KLHL20: variants seen among roughly 807,000 people sequenced by gnomAD.
KLHL20 encodes the protein kelch-like protein 20.
In KLHL20, 29 loss-of-function variants were observed where a neutral mutation model predicts 69.5. The ratio of observed to expected loss-of-function variants is 0.42; its 90% confidence interval spans 0.31 to 0.57. The LOEUF is 0.57. Ranked by LOEUF, KLHL20 falls within the 20% of genes least tolerant of loss-of-function variation. The probability of loss-of-function intolerance (pLI) is 0.18; values close to 1 mark genes in which losing one functional copy is unlikely to be tolerated. For synonymous variants in KLHL20, 253 were observed against 265.2 expected, an observed-to-expected ratio of 0.95 and a Z score of 0.45; for missense variants, 419 against 776.0, an observed-to-expected ratio of 0.54 and a Z score of 5.47.
At chr1:173,766,108 G>A (rs751535009) in intron 7 of KLHL20, 38 bp from the exon 8 acceptor site, 5 of 1,502,408 alleles carry the variant, frequency 3.3e-6, no homozygotes, top group East Asian at 5.0e-5. Context: ...AGCTTCCTTT[G>A]TGTAATACAA....
intron 3 of KLHL20, among the ~76,000 whole-genome samples, chr1:173,745,338 T>A (rs974712566): frequency 2.8e-4 from 43 of 151,682 alleles, no homozygotes; most frequent in African/African-American, 9.9e-4. Flanking sequence ...AATTTTTGTA[T>A]TTTTAGTAGA....
chr1:173,741,269 A>C (rs1672796097), intron 3 of KLHL20, among the ~76,000 whole-genome samples: 1 of 152,176 alleles, frequency 6.6e-6, no homozygotes, highest in Non-Finnish European at 1.5e-5. Context: ...CACAGTGTGA[A>C]TCTCCACACA....
rs1327246835 is a variant in KLHL20, at chr1:173,733,931, C to T, written c.242C>T (p.Ala81Val). Residue 81 changes from alanine (A) to valine (V), a missense_variant, in exon 3 of 12, where the codon GCC (alanine) becomes GTC (valine). Coordinates refer to ENST00000209884, the MANE Select transcript of KLHL20 (RefSeq NM_014458.4). Reference protein sequence around the residue: ...VLVVGAKKIYAHRVILSACSP... With the variant: ...VLVVGAKKIYVHRVILSACSP... ...GTTGTGGGCGCCAAGAAGATATATG[C>T]CCATCGAGTCATTTTGTCAGCCTGT... 1.9e-6 allele frequency: 3 copies of T among 1,614,160 alleles called. No individual in the cohort carries two copies. The highest frequency in any genetic ancestry group is 1.7e-6 in the Non-Finnish European group (2 of 1,180,020).
chr1:173,758,920 G>A (rs1202802059), intron 7 of KLHL20, among the ~76,000 whole-genome samples: 1 of 152,184 alleles, frequency 6.6e-6, no homozygotes, highest in Non-Finnish European at 1.5e-5. Context: ...AGACTTCACC[G>A]GCAGGGGGAA....
At position 173,733,815 on chromosome 1, in the gene KLHL20, C is replaced by T; in HGVS notation, c.126C>T (p.Arg42=). 6.2e-7 allele frequency: 1 copy of T among 1,614,136 alleles called. No homozygotes were observed. Among genetic ancestry groups the T allele is most frequent in the Non-Finnish European group, 8.5e-7 (1 of 1,180,024 alleles). ...CAGAAGGGGTTCCCCAACCTGCCCG[C>T]ATGCCCTATATCTCAGACAAGCACC... is the stretch of plus-strand genomic sequence containing the variant. ...KLPEGVPQPA[R]MPYISDKHPR... The change falls in exon 3 of 12, where the codon CGC becomes CGT. Residue 42 remains arginine, a synonymous_variant. Coordinates refer to ENST00000209884, the MANE Select transcript of KLHL20 (RefSeq NM_014458.4).
chr1:173,774,533 A>G (rs1648327091), intron 9 of KLHL20, 95 bp downstream of exon 9: 7 of 1,393,530 alleles, frequency 5.0e-6, no homozygotes, highest in Non-Finnish European at 7.0e-6. Context: ...AGGTTATCCT[A>G]TAATTTACTA....
At chr1:173,779,620 G>T (rs140784813) in intron 10 of KLHL20, among the ~76,000 whole-genome samples, 1 of 151,732 alleles carries the variant, frequency 6.6e-6, no homozygotes. Flanking sequence ...CAAAGTGCTG[G>T]GATTATAGAC....
At chr1:173,730,389 CA>C (rs1357708925) in intron 2 of KLHL20, among the ~76,000 whole-genome samples, 1 of 151,728 alleles carries the variant, frequency 6.6e-6, no homozygotes, top group Admixed American at 6.6e-5. Flanking sequence ...CATATGGAAC[CA>C]AAAAAGAGCC....
chr1:173,781,910 T>C, intron 10 of KLHL20: 1 of 426,646 alleles, frequency 2.3e-6, no homozygotes, highest in South Asian at 3.6e-5. Context: ...ATACATGTTT[T>C]GGATTCTGTG....
chr1:173,724,151 C>T (rs1376794220), intron 2 of KLHL20, among the ~76,000 whole-genome samples: 2 of 150,838 alleles, frequency 1.3e-5, no homozygotes, highest in African/African-American at 4.9e-5. Flanking sequence ...CATACACATA[C>T]ATGATATATA....
intron 7 of KLHL20, among the ~76,000 whole-genome samples, chr1:173,759,139 C>T (rs1200819083): frequency 2.6e-5 from 4 of 152,066 alleles, no homozygotes; most frequent in African/African-American, 9.7e-5. Flanking sequence ...ACCTGCATGA[C>T]TCAGCAGAGG....
At position 173,785,149 on chromosome 1, in the gene KLHL20, T is replaced by A. The variant is rs1369861645; in HGVS notation, c.1746-14T>A. The A allele has an allele frequency of 1.2e-6, 2 of 1,606,886 alleles. No homozygotes were observed. The highest frequency in any genetic ancestry group is 2.7e-5 in the African/African-American group (2 of 74,700). On this transcript the variant is annotated splice_polypyrimidine_tract_variant and intron_variant, in intron 11 of 11. Transcript: ENST00000209884. ...TTCCAGTTAGAAAATATGATTATGT[T>A]TCTTTCTTTGCAGGTTATATGGCGG... is the stretch of plus-strand genomic sequence containing the variant.
At position 173,774,295 on chromosome 1, in the gene KLHL20, C is replaced by A. The variant is rs1226159452; in HGVS notation, c.1296-10C>A. ...AGAACAAGCATACAGTCTGGTTTCCCTCACTGCAGGTATGATCCGAAGGAG... is the reference window on the plus strand; with the variant it reads ...AGAACAAGCATACAGTCTGGTTTCCATCACTGCAGGTATGATCCGAAGGAG... On this transcript the variant is annotated splice_polypyrimidine_tract_variant and intron_variant, in intron 8 of 11. Coordinates refer to ENST00000209884, the MANE Select transcript of KLHL20 (RefSeq NM_014458.4). 1.2e-6 allele frequency: 2 copies of A among 1,614,092 alleles called. No individual in the cohort carries two copies. The highest frequency in any genetic ancestry group is 1.7e-5 in the Admixed American group (1 of 60,016).
Position 173,786,342 on chromosome 1 carries a change from C to G in KLHL20, c.*1095C>G, listed in dbSNP as rs1649200156. ...TCTTCATTCTATAAGGTCATTGTTA[C>G]TACTTCTCTCAAATTGCACTTTCTG... On this transcript the variant is annotated 3_prime_UTR_variant, in exon 12 of 12. Transcript: ENST00000209884. The G allele has an allele frequency of 6.6e-6, 1 of 152,544 alleles. No homozygotes were observed. The highest frequency in any genetic ancestry group is 1.5e-5 in the Non-Finnish European group (1 of 68,008). 9.4% of individuals were successfully genotyped at this position (152,544 alleles called of 1,614,324 possible).
intron 8 of KLHL20, among the ~76,000 whole-genome samples, chr1:173,771,908 T>TA (rs1302131264): frequency 6.6e-6 from 1 of 152,234 alleles, no homozygotes; most frequent in African/African-American, 2.4e-5. Flanking sequence ...GCTATTCTGT[T>TA]ATGTGTATAA....
At chr1:173,755,217 C>T (rs892184014) in intron 5 of KLHL20, among the ~76,000 whole-genome samples, 4 of 152,134 alleles carry the variant, frequency 2.6e-5, no homozygotes, top group Non-Finnish European at 4.4e-5. Flanking sequence ...TACCACCACA[C>T]CCAGCTACTT....
intron 3 of KLHL20, among the ~76,000 whole-genome samples, chr1:173,734,766 T>C (rs1350868854): frequency 1.3e-5 from 2 of 152,172 alleles, no homozygotes; most frequent in Non-Finnish European, 2.9e-5. Flanking sequence ...TTAACAAATA[T>C]TTGTAAAGCT....
intron 3 of KLHL20, among the ~76,000 whole-genome samples, chr1:173,736,157 G>T (rs1178891784): frequency 6.6e-6 from 1 of 151,934 alleles, no homozygotes; most frequent in African/African-American, 2.4e-5. Flanking sequence ...ATGTTGGCCA[G>T]GCTGGTCTCA....
chr1:173,756,443 A>G (rs912327335), intron 6 of KLHL20, among the ~76,000 whole-genome samples: 1 of 152,190 alleles, frequency 6.6e-6, no homozygotes, highest in South Asian at 2.1e-4. Flanking sequence ...AGACAGGAGG[A>G]TGGCTTGAGC....
Sources: gnomAD v4.1 joint callset for allele counts (sites outside exome capture counted in the v4.1 genomes callset) on GRCh38, gnomAD v4.1.1 for gene constraint, MANE v1.5 for transcripts, NCBI Gene and HGNC (gene_info 2026-07-23, HGNC 2026-07-21) for gene names.